The following AUTS2 variants were observed in gnomAD, a reference collection of about 807,000 sequenced individuals.
The protein encoded by AUTS2 is autism susceptibility gene 2 protein.
Under a neutral mutation model 112.4 loss-of-function variants are expected in AUTS2, and 17 were observed. The observed-to-expected ratio is 0.15, with a 90% CI of 0.10 to 0.23. The LOEUF (loss-of-function observed/expected upper bound fraction) is 0.23, where lower values mean the gene tolerates loss of function less well. Among genes scored for constraint, AUTS2 ranks in the 10% least tolerant of loss-of-function variants. AUTS2 has a pLI of 1.00. For missense variants in AUTS2, 1,510 were observed against 1,701.6 expected, an observed-to-expected ratio of 0.89 and a Z score of 1.98; for synonymous variants, 751 against 702.7, an observed-to-expected ratio of 1.07 and a Z score of -1.09.
intron 16 of AUTS2, among the ~76,000 whole-genome samples, 194 bp downstream of exon 16, chr7:70,785,213 G>A (rs1208636873): frequency 3.3e-5 from 5 of 152,212 alleles, no homozygotes; most frequent in East Asian, 1.9e-4. Flanking sequence ...CTCTTACACC[G>A]CATTCTTTCG....
chr7:70,329,193 G>C (rs913397763), intron 4 of AUTS2, among the ~76,000 whole-genome samples: 1 of 152,122 alleles, frequency 6.6e-6, no homozygotes, highest in Non-Finnish European at 1.5e-5. Context: ...ATGGATGTTT[G>C]GGCTGTTTAT....
At chr7:70,060,746 T>C (rs1802207447) in intron 2 of AUTS2, among the ~76,000 whole-genome samples, 1 of 152,210 alleles carries the variant, frequency 6.6e-6, no homozygotes, top group Non-Finnish European at 1.5e-5. Context: ...TACTCTGACC[T>C]CTTTAAATCG....
At chr7:69,958,352 CA>C (rs1227995904) in intron 2 of AUTS2, among the ~76,000 whole-genome samples, 1 of 152,120 alleles carries the variant, frequency 6.6e-6, no homozygotes, top group Non-Finnish European at 1.5e-5. Context: ...TTACTGAAAA[CA>C]GGCGTGAACC....
At chr7:69,970,943 C>T (rs547148802) in intron 2 of AUTS2, among the ~76,000 whole-genome samples, 60 of 152,224 alleles carry the variant, frequency 3.9e-4, no homozygotes, top group African/African-American at 1.4e-3. Context: ...GAGGCCAAGG[C>T]GGGAGAATCC....
chr7:69,758,771 G>T (rs970116437), intron 1 of AUTS2, among the ~76,000 whole-genome samples: 2 of 152,104 alleles, frequency 1.3e-5, no homozygotes, highest in African/African-American at 4.8e-5. Flanking sequence ...CCTCTTCTGA[G>T]CAATCTTTGC....
At chr7:70,776,766 C>T (rs1394272725) in intron 13 of AUTS2, 1 of 378,906 alleles carries the variant, frequency 2.6e-6, no homozygotes, top group Admixed American at 4.1e-5. Flanking sequence ...GGGCTTCCCA[C>T]TCTACCAGGT....
chr7:70,390,499 C>G (rs138775149), intron 4 of AUTS2, among the ~76,000 whole-genome samples: 1 of 152,070 alleles, frequency 6.6e-6, no homozygotes, highest in Non-Finnish European at 1.5e-5. Flanking sequence ...GTGACTCCTG[C>G]ACTATGTGAA....
Position 70,068,729 on chromosome 7 carries a change from G to A in AUTS2, c.523-49403G>A, listed in dbSNP as rs544163161. On this transcript the variant is annotated intron_variant, in intron 2 of 18. Transcript: ENST00000342771. ...ATCAAACAACAAGGTGATTAATGTAGCCACTTCAACTCCTCAGATCTTTGG... is the reference window on the plus strand; with the variant it reads ...ATCAAACAACAAGGTGATTAATGTAACCACTTCAACTCCTCAGATCTTTGG... Among the ~76,000 whole-genome samples, 24 of 152,318 alleles carry A rather than the reference G, an allele frequency of 1.6e-4. No individual in the cohort carries two copies. The South Asian group carries it at 4.8e-3, about 30-fold the overall frequency.
intron 6 of AUTS2, among the ~76,000 whole-genome samples, chr7:70,699,720 T>G (rs1444654445): frequency 6.6e-6 from 1 of 152,248 alleles, no homozygotes; most frequent in East Asian, 1.9e-4. Context: ...CAGTTTTATA[T>G]TTCATCATAT....
intron 1 of AUTS2, among the ~76,000 whole-genome samples, chr7:69,837,741 T>C (rs1791789730): frequency 6.6e-6 from 1 of 152,170 alleles, no homozygotes; most frequent in Non-Finnish European, 1.5e-5. Context: ...AGCTCTTAAC[T>C]CTCTCTGGTA....
chr7:69,860,163 G>A (rs1027715660), intron 1 of AUTS2, among the ~76,000 whole-genome samples: 1 of 151,846 alleles, frequency 6.6e-6, no homozygotes, highest in Non-Finnish European at 1.5e-5. Flanking sequence ...TAACTATCAG[G>A]TTATCTATTT....
At chr7:70,623,635 A>G (rs938741569) in intron 5 of AUTS2, among the ~76,000 whole-genome samples, 6 of 152,194 alleles carry the variant, frequency 3.9e-5, no homozygotes, top group African/African-American at 1.4e-4. Flanking sequence ...GAGTCTCAAC[A>G]TGTCACGTGT....
chr7:69,816,714 A>G (rs1305228912), intron 1 of AUTS2, among the ~76,000 whole-genome samples: 2 of 152,226 alleles, frequency 1.3e-5, no homozygotes, highest in Non-Finnish European at 2.9e-5. Context: ...TTTATTATCC[A>G]CATTCTTTTT....
At chr7:69,967,834 GAAACC>G (rs1345570663) in intron 2 of AUTS2, among the ~76,000 whole-genome samples, 4 of 152,178 alleles carry the variant, frequency 2.6e-5, no homozygotes, top group African/African-American at 9.7e-5. Flanking sequence ...TTTCCCAGGG[GAAACC>G]TGCCACCTCC....
chr7:70,299,141 T>G (rs1038740884), intron 4 of AUTS2, among the ~76,000 whole-genome samples: 1 of 152,234 alleles, frequency 6.6e-6, no homozygotes, highest in Non-Finnish European at 1.5e-5. Flanking sequence ...CAAATAAAGA[T>G]TGCAATGTTT....
At chr7:69,931,738 A>G (rs578133145) in intron 2 of AUTS2, among the ~76,000 whole-genome samples, 1 of 152,246 alleles carries the variant, frequency 6.6e-6, no homozygotes, top group African/African-American at 2.4e-5. Flanking sequence ...ACTCTGACCT[A>G]TACTGTTTTA....
chr7:70,765,342 G>T (rs761797768), intron 8 of AUTS2, among the ~76,000 whole-genome samples: 2 of 152,136 alleles, frequency 1.3e-5, no homozygotes, highest in Non-Finnish European at 1.5e-5. Context: ...CGATGGAAGC[G>T]TCCCCAAGCC....
At chr7:70,508,224 T>C (rs138362364) in intron 5 of AUTS2, among the ~76,000 whole-genome samples, 65 of 152,010 alleles carry the variant, frequency 4.3e-4, no homozygotes, top group African/African-American at 1.3e-3. Context: ...GTGGGACCCA[T>C]TAGAGCCTGT....
At chr7:70,497,750 T>A (rs1407574173) in intron 5 of AUTS2, among the ~76,000 whole-genome samples, 1 of 152,190 alleles carries the variant, frequency 6.6e-6, no homozygotes, top group Non-Finnish European at 1.5e-5. Context: ...GCTGAGGTCC[T>A]GTGTTATTAA....
Sources: gnomAD v4.1 joint callset for allele counts (sites outside exome capture counted in the v4.1 genomes callset) on GRCh38, gnomAD v4.1.1 for gene constraint, MANE v1.5 for transcripts, NCBI Gene and HGNC (gene_info 2026-07-23, HGNC 2026-07-21) for gene names.